PTPRK: variants seen among roughly 807,000 people sequenced by gnomAD.
PTPRK encodes the protein protein tyrosine phosphatase receptor type K, also known as receptor-type tyrosine-protein phosphatase kappa.
In PTPRK, 75 loss-of-function variants were observed where a neutral mutation model predicts 178.0. The ratio of observed to expected loss-of-function variants is 0.42; its 90% CI spans 0.35 to 0.51. PTPRK has a LOEUF of 0.51. Ranked by LOEUF, PTPRK falls within the 20% of genes least tolerant of loss-of-function variation. PTPRK has a pLI of 0.02. For missense variants in PTPRK, 1,441 were observed against 1,797.8 expected (o/e 0.80, Z 3.59); for synonymous variants, 637 against 620.6 (o/e 1.03, Z -0.39).
At position 128,381,291 on chromosome 6, in the gene PTPRK, C is replaced by G. The variant is rs1837878480; in HGVS notation, c.223+16275G>C. On this transcript the variant is annotated intron_variant, in intron 2 of 29. Transcript: ENST00000368226. ...AGACTTGAGAAATAATAAACCTTTTCCCAAACTATTTCCATACCTCATTAT... is the reference window on the plus strand; with the variant it reads ...AGACTTGAGAAATAATAAACCTTTTGCCAAACTATTTCCATACCTCATTAT... 2.0e-5 allele frequency among the ~76,000 whole-genome samples: 3 copies of G among 152,228 alleles called. No individual in the cohort carries two copies. The South Asian group carries it at 6.2e-4, about 32-fold the overall frequency.
intron 7 of PTPRK, among the ~76,000 whole-genome samples, chr6:128,108,912 A>C (rs929275816): frequency 6.6e-6 from 1 of 152,122 alleles, no homozygotes; most frequent in African/African-American, 2.4e-5. Flanking sequence ...AAGGACACTA[A>C]TATAACAGGT....
intron 2 of PTPRK, chr6:128,340,798 T>C (rs1212055326): frequency 4.1e-6 from 2 of 482,674 alleles, no homozygotes; most frequent in South Asian, 1.6e-5. Flanking sequence ...GGTTTGATTC[T>C]TTTGGTTTTG....
Position 128,082,585 on chromosome 6 carries a change from AG to A in PTPRK, c.1628del (p.Pro543LeufsTer29). On this transcript the variant is annotated frameshift_variant, in exon 10 of 30. Coordinates refer to ENST00000368226, the MANE Select transcript of PTPRK (RefSeq NM_002844.4). LOFTEE classifies it high-confidence loss of function. ...TCCATAAATTTGATACAGTCTGGGG[AG>A]GTCCAGCCACTGGAACTGCAGGATC... ...SFDPAVPVAG[P>X]PQTVSNLWNS... is the part of the protein sequence containing the mutation. 6.2e-7 allele frequency: 1 copy of A among 1,612,684 alleles called. No homozygotes were observed. Among genetic ancestry groups the A allele is most frequent in the Non-Finnish European group, 8.5e-7 (1 of 1,179,002 alleles).
At chr6:128,455,758 A>T (rs1848310107) in intron 1 of PTPRK, among the ~76,000 whole-genome samples, 1 of 152,182 alleles carries the variant, frequency 6.6e-6, no homozygotes. Context: ...ATTTTAGAGG[A>T]GAGAAGAACA....
intron 13 of PTPRK, chr6:128,062,591 T>G (rs930553543): frequency 1.2e-5 from 2 of 167,068 alleles, no homozygotes; most frequent in East Asian, 1.9e-4. Flanking sequence ...GTTATGTCCC[T>G]CTTAAGTACA....
chr6:128,285,044 C>A (rs946570295), intron 3 of PTPRK, among the ~76,000 whole-genome samples: 1 of 152,116 alleles, frequency 6.6e-6, no homozygotes, highest in Admixed American at 6.5e-5. Context: ...AGTTTACATA[C>A]CAATACTCTC....
At chr6:128,045,771 T>C (rs899144642) in intron 13 of PTPRK, among the ~76,000 whole-genome samples, 3 of 152,040 alleles carry the variant, frequency 2.0e-5, no homozygotes, top group African/African-American at 7.2e-5. Context: ...CACACACAAT[T>C]ATAAGGAGGT....
rs1836568688 is a variant in PTPRK at position 128,373,372 on chromosome 6, A to G, written c.223+24194T>C. The stretch of plus-strand genomic sequence containing the variant: ...TACAAATGGTAGACACAAAACACGC[A>G]CATCCTCACACACAATGCCTTGGCT... On this transcript the variant is annotated intron_variant, in intron 2 of 29. Transcript: ENST00000368226. Among the ~76,000 whole-genome samples, 3 of 152,216 alleles carry G rather than the reference A, an allele frequency of 2.0e-5. No homozygotes were observed. The South Asian group carries it at 6.2e-4, about 32-fold the overall frequency.
At chr6:128,341,866 A>G (rs1055895540) in intron 2 of PTPRK, among the ~76,000 whole-genome samples, 1 of 152,196 alleles carries the variant, frequency 6.6e-6, no homozygotes, top group African/African-American at 2.4e-5. Flanking sequence ...CCTACAGCTC[A>G]AGAGTCATTT....
intron 18 of PTPRK, among the ~76,000 whole-genome samples, chr6:127,994,227 T>A (rs1190076643): frequency 6.6e-6 from 1 of 151,730 alleles, no homozygotes; most frequent in African/African-American, 2.4e-5. Flanking sequence ...GAAAATTATT[T>A]CCTATTTATG....
chr6:128,288,345 C>T (rs376910411), intron 3 of PTPRK, among the ~76,000 whole-genome samples: 4 of 152,216 alleles, frequency 2.6e-5, no homozygotes, highest in African/African-American at 7.2e-5. Flanking sequence ...TACATCTATA[C>T]GCTTTGGATA....
intron 1 of PTPRK, among the ~76,000 whole-genome samples, chr6:128,419,588 G>A (rs936959208): frequency 5.9e-5 from 9 of 151,556 alleles, no homozygotes; most frequent in African/African-American, 2.2e-4. Flanking sequence ...CTCCAGCCTG[G>A]GCGACAGAGC....
At chr6:128,492,583 A>G (rs1426488084) in intron 1 of PTPRK, among the ~76,000 whole-genome samples, 1 of 152,140 alleles carries the variant, frequency 6.6e-6, no homozygotes, top group Non-Finnish European at 1.5e-5. Context: ...ACACAATAAT[A>G]TTTATTTTAC....
chr6:128,134,718 G>A, intron 7 of PTPRK, among the ~76,000 whole-genome samples: 1 of 152,084 alleles, frequency 6.6e-6, no homozygotes, highest in South Asian at 2.1e-4. Context: ...GGCTGAAGTG[G>A]GTGGAGTGCT....
chr6:128,484,359 T>C (rs762122090), intron 1 of PTPRK, among the ~76,000 whole-genome samples: 1 of 152,182 alleles, frequency 6.6e-6, no homozygotes, highest in Non-Finnish European at 1.5e-5. Flanking sequence ...ACCCCAACAG[T>C]AAAATTATAA....
chr6:128,349,881 A>C (rs760439671), intron 2 of PTPRK, among the ~76,000 whole-genome samples: 4 of 152,154 alleles, frequency 2.6e-5, no homozygotes, highest in Non-Finnish European at 4.4e-5. Context: ...AGGTGACCAC[A>C]TAAGTCTTCC....
intron 3 of PTPRK, among the ~76,000 whole-genome samples, chr6:128,292,718 T>C (rs896737799): frequency 2.0e-5 from 3 of 152,110 alleles, no homozygotes; most frequent in African/African-American, 7.2e-5. Context: ...AGGTAATAGA[T>C]AATCCTACTC....
intron 7 of PTPRK, among the ~76,000 whole-genome samples, chr6:128,175,781 T>C (rs1314189822): frequency 1.3e-5 from 2 of 151,756 alleles, no homozygotes; most frequent in Non-Finnish European, 2.9e-5. Context: ...AAAAAATAAT[T>C]TGGGTACGTA....
At chr6:128,239,830 A>G (rs1308467882) in intron 5 of PTPRK, among the ~76,000 whole-genome samples, 1 of 152,194 alleles carries the variant, frequency 6.6e-6, no homozygotes, top group Non-Finnish European at 1.5e-5. Context: ...ATACTTATTA[A>G]TTATTTGCTC....
Sources: gnomAD v4.1 joint callset for allele counts (sites outside exome capture counted in the v4.1 genomes callset) on GRCh38, gnomAD v4.1.1 for gene constraint, MANE v1.5 for transcripts, NCBI Gene and HGNC (gene_info 2026-07-23, HGNC 2026-07-21) for gene names.